EPHA6: variants seen among roughly 807,000 people sequenced by gnomAD.
The protein encoded by EPHA6 is EPH receptor A6, also known as ephrin type-A receptor 6.
A neutral mutation model predicts 112.0 loss-of-function variants in EPHA6; 50 were observed. The observed-to-expected ratio is 0.45, with a 90% CI of 0.36 to 0.56. EPHA6 has a LOEUF of 0.56. Among genes scored for constraint, EPHA6 ranks in the 20% least tolerant of loss-of-function variants. The pLI is 0.00. For missense variants in EPHA6, 1,280 were observed against 1,417.4 expected (o/e 0.90, Z 1.56); for synonymous variants, 529 against 490.7 (o/e 1.08, Z -1.03).
intron 3 of EPHA6, among the ~76,000 whole-genome samples, chr3:97,096,409 A>G (rs1317835003): frequency 6.6e-6 from 1 of 151,924 alleles, no homozygotes; most frequent in African/African-American, 2.4e-5. Flanking sequence ...ATAGCTATAT[A>G]TTTTAAATCT....
intron 13 of EPHA6, among the ~76,000 whole-genome samples, chr3:97,611,135 T>C (rs573331148): frequency 6.6e-6 from 1 of 151,798 alleles, no homozygotes; most frequent in East Asian, 1.9e-4. Context: ...AATGTTATCA[T>C]GAAGAAAGAT....
chr3:97,662,799 G>T (rs1481269036), intron 14 of EPHA6, among the ~76,000 whole-genome samples: 1 of 152,190 alleles, frequency 6.6e-6, no homozygotes, highest in Non-Finnish European at 1.5e-5. Context: ...CAAGTGACGA[G>T]CTATGTAGCA....
chr3:97,534,612 A>G (rs2092738274), intron 11 of EPHA6, among the ~76,000 whole-genome samples: 1 of 152,066 alleles, frequency 6.6e-6, no homozygotes, highest in Non-Finnish European at 1.5e-5. Context: ...AGGTAGAGTG[A>G]TGTTAATTGC....
At chr3:97,724,619 T>C (rs2034676639) in intron 15 of EPHA6, among the ~76,000 whole-genome samples, 1 of 151,912 alleles carries the variant, frequency 6.6e-6, no homozygotes, top group Admixed American at 6.6e-5. Flanking sequence ...TAGAAAAAAT[T>C]AGCTGGGTGT....
At chr3:97,264,665 G>A (rs1042815816) in intron 5 of EPHA6, among the ~76,000 whole-genome samples, 10 of 152,188 alleles carry the variant, frequency 6.6e-5, no homozygotes, top group African/African-American at 2.4e-4. Context: ...CATTTGGTGG[G>A]TCCCAAGTTC....
At chr3:97,394,491 G>T (rs1002476627) in intron 5 of EPHA6, among the ~76,000 whole-genome samples, 1 of 151,762 alleles carries the variant, frequency 6.6e-6, no homozygotes, top group Admixed American at 6.6e-5. Context: ...AACACCTGCA[G>T]TAAGGGAGAA....
chr3:97,077,821 CTTTGCTATTGTCA>C (rs2046583957), intron 3 of EPHA6, among the ~76,000 whole-genome samples: 1 of 152,116 alleles, frequency 6.6e-6, no homozygotes, highest in Non-Finnish European at 1.5e-5. Flanking sequence ...GGTTCCAAGT[CTTTGCTATTGTCA>C]ATAGTGTTGT....
At chr3:97,073,489 C>T (rs907004408) in intron 3 of EPHA6, among the ~76,000 whole-genome samples, 13 of 152,116 alleles carry the variant, frequency 8.5e-5, no homozygotes, top group East Asian at 1.9e-4. Flanking sequence ...ATTTACACAA[C>T]GTGTGTTAGA....
chr3:97,747,177 A>G (rs767150576), intron 16 of EPHA6, among the ~76,000 whole-genome samples: 4 of 151,964 alleles, frequency 2.6e-5, no homozygotes, highest in Non-Finnish European at 4.4e-5. Context: ...AAAAAGATCA[A>G]TGTAAGTCCC....
chr3:97,234,873 T>G (rs976518037), intron 4 of EPHA6, among the ~76,000 whole-genome samples: 4 of 152,114 alleles, frequency 2.6e-5, no homozygotes, highest in African/African-American at 9.7e-5. Flanking sequence ...GACAACTGAT[T>G]GTGGGATCTG....
intron 1 of EPHA6, among the ~76,000 whole-genome samples, chr3:96,864,707 TAAATC>T (rs1224053346): frequency 1.3e-5 from 2 of 152,006 alleles, no homozygotes; most frequent in Non-Finnish European, 2.9e-5. Context: ...CAAATTTTAA[TAAATC>T]TAACTGATAA....
intron 2 of EPHA6, among the ~76,000 whole-genome samples, chr3:96,969,775 A>G (rs758988120): frequency 3.3e-5 from 5 of 152,026 alleles, no homozygotes; most frequent in African/African-American, 4.8e-5. Context: ...AAAATCTAGT[A>G]TACATTGAGT....
chr3:97,416,760 T>C (rs2088158561), intron 6 of EPHA6, among the ~76,000 whole-genome samples: 1 of 152,196 alleles, frequency 6.6e-6, no homozygotes, highest in Non-Finnish European at 1.5e-5. Flanking sequence ...TAAATATGCT[T>C]AAGATATAAT....
At chr3:96,840,489 G>C (rs988492826) in intron 1 of EPHA6, among the ~76,000 whole-genome samples, 1 of 152,070 alleles carries the variant, frequency 6.6e-6, no homozygotes, top group Non-Finnish European at 1.5e-5. Flanking sequence ...AAATGCCTTC[G>C]TTATTCTGGA....
intron 3 of EPHA6, among the ~76,000 whole-genome samples, chr3:96,997,385 G>A (rs981653156): frequency 6.6e-6 from 1 of 151,950 alleles, no homozygotes; most frequent in Non-Finnish European, 1.5e-5. Context: ...AGCTTTCAAG[G>A]CCTTCCTCAC....
chr3:97,228,568 C>T (rs1159796635), intron 4 of EPHA6, among the ~76,000 whole-genome samples: 2 of 147,614 alleles, frequency 1.4e-5, no homozygotes. Flanking sequence ...ATGTAAATGT[C>T]ATATAAATGT....
intron 2 of EPHA6, among the ~76,000 whole-genome samples, chr3:96,871,936 G>A (rs533847306): frequency 2.0e-5 from 3 of 152,054 alleles, no homozygotes; most frequent in African/African-American, 7.2e-5. Flanking sequence ...ATGCTGAATC[G>A]AATTAACCAG....
At chr3:97,344,596 C>A (rs2083451604) in intron 5 of EPHA6, among the ~76,000 whole-genome samples, 1 of 152,144 alleles carries the variant, frequency 6.6e-6, no homozygotes, top group Admixed American at 6.6e-5. Context: ...GACTTACACC[C>A]CCCAGAACTG....
intron 2 of EPHA6, among the ~76,000 whole-genome samples, chr3:96,940,427 C>CT (rs2040870055): frequency 6.6e-6 from 1 of 151,938 alleles, no homozygotes; most frequent in Admixed American, 6.6e-5. Context: ...CAACCCCTGC[C>CT]TTTTTTTGTT....
Sources: gnomAD v4.1 joint callset for allele counts (sites outside exome capture counted in the v4.1 genomes callset) on GRCh38, gnomAD v4.1.1 for gene constraint, MANE v1.5 for transcripts, NCBI Gene and HGNC (gene_info 2026-07-23, HGNC 2026-07-21) for gene names.